Variants in HEMK2 observed in about 807,000 individuals in gnomAD.
HEMK2 encodes HemK methyltransferase 2, ETF1 glutamine and histone H4 lysine, also known as methyltransferase HEMK2.
the HEMK2 span, among the ~76,000 whole-genome samples, chr21:28,631,122 T>A: frequency 6.6e-6 from 1 of 152,014 alleles, no homozygotes; most frequent in Non-Finnish European, 1.5e-5. Context: ...AAAACTGACA[T>A]AGGGAAATTT....
the HEMK2 span, among the ~76,000 whole-genome samples, chr21:28,797,759 T>C: frequency 6.6e-6 from 1 of 152,102 alleles, no homozygotes; most frequent in African/African-American, 2.4e-5. Context: ...TGAGGAAAAC[T>C]AGCTTGTGTA....
chr21:28,723,480 T>C, the HEMK2 span, among the ~76,000 whole-genome samples: 1 of 152,200 alleles, frequency 6.6e-6, no homozygotes, highest in African/African-American at 2.4e-5. Flanking sequence ...GTCTCTCTGT[T>C]ACTTATTACC....
chr21:28,721,200 C>T, the HEMK2 span, among the ~76,000 whole-genome samples: 3 of 152,152 alleles, frequency 2.0e-5, no homozygotes, highest in Non-Finnish European at 2.9e-5. Context: ...AATGAAGCCT[C>T]GACCTCCAGG....
At chr21:28,750,470 A>T in the HEMK2 span, among the ~76,000 whole-genome samples, 1 of 152,062 alleles carries the variant, frequency 6.6e-6, no homozygotes, top group African/African-American at 2.4e-5. Flanking sequence ...AGGCCAAGGC[A>T]GGCAGATCGC....
At chr21:28,841,333 AT>A in the HEMK2 span, among the ~76,000 whole-genome samples, 1 of 10,824 alleles carries the variant, frequency 9.2e-5, no homozygotes, top group Non-Finnish European at 1.2e-4. Flanking sequence ...TTATATATAA[AT>A]ATATATTATA....
At chr21:28,825,895 T>C in the HEMK2 span, among the ~76,000 whole-genome samples, 1 of 152,192 alleles carries the variant, frequency 6.6e-6, no homozygotes, top group African/African-American at 2.4e-5. Context: ...TAGATCCACC[T>C]ACATCTCTGG....
chr21:28,761,585 T>C, the HEMK2 span, among the ~76,000 whole-genome samples: 1 of 151,100 alleles, frequency 6.6e-6, no homozygotes, highest in Non-Finnish European at 1.5e-5. Context: ...AGTTTCTCTA[T>C]CTGCTCTACA....
the HEMK2 span, among the ~76,000 whole-genome samples, chr21:28,761,446 CCTG>C: frequency 6.6e-6 from 1 of 151,830 alleles, no homozygotes; most frequent in Non-Finnish European, 1.5e-5. Context: ...ATTTGCCAAC[CCTG>C]CTGTAGAGAA....
At chr21:28,723,024 A>T in the HEMK2 span, among the ~76,000 whole-genome samples, 1 of 151,658 alleles carries the variant, frequency 6.6e-6, no homozygotes, top group Non-Finnish European at 1.5e-5. Context: ...AAAAAAAAAA[A>T]TAGAGACAAG....
chr21:28,633,958 G>A, the HEMK2 span, among the ~76,000 whole-genome samples: 8 of 152,122 alleles, frequency 5.3e-5, no homozygotes, highest in African/African-American at 1.9e-4. Context: ...GGGCCCAATG[G>A]AACAGGCTTC....
the HEMK2 span, among the ~76,000 whole-genome samples, chr21:28,817,641 T>C: frequency 6.6e-6 from 1 of 152,198 alleles, no homozygotes; most frequent in African/African-American, 2.4e-5. Flanking sequence ...AGATGAAGGA[T>C]TTCCTTGAGA....
At chr21:28,861,657 T>C in the HEMK2 span, among the ~76,000 whole-genome samples, 6 of 152,354 alleles carry the variant, frequency 3.9e-5, no homozygotes, top group South Asian at 2.1e-4. Context: ...GCTGTATTGA[T>C]AGAATGGTGG....
chr21:28,880,687 G>A, the HEMK2 span, among the ~76,000 whole-genome samples: 1 of 151,244 alleles, frequency 6.6e-6, no homozygotes, highest in African/African-American at 2.4e-5. Flanking sequence ...AGTCTGCAGT[G>A]AGCCAAGATT....
the HEMK2 span, among the ~76,000 whole-genome samples, chr21:28,845,607 C>A: frequency 6.6e-6 from 1 of 151,960 alleles, no homozygotes; most frequent in Non-Finnish European, 1.5e-5. Flanking sequence ...GTAAGATTTT[C>A]TATTTTTCTT....
At chr21:28,763,019 G>A in the HEMK2 span, among the ~76,000 whole-genome samples, 12 of 152,068 alleles carry the variant, frequency 7.9e-5, no homozygotes, top group Admixed American at 7.9e-4. Context: ...AAATGGCACT[G>A]GACTGTGACT....
chr21:28,852,704 A>G, the HEMK2 span, among the ~76,000 whole-genome samples: 1 of 152,186 alleles, frequency 6.6e-6, no homozygotes, highest in Non-Finnish European at 1.5e-5. Context: ...ACTGAAATTG[A>G]TTGACGGGCC....
At chr21:28,663,288 G>C in the HEMK2 span, among the ~76,000 whole-genome samples, 2 of 152,204 alleles carry the variant, frequency 1.3e-5, no homozygotes. Flanking sequence ...GAGGGCAGCA[G>C]CCATCCAGCC....
At chr21:28,879,229 C>T in the HEMK2 span, among the ~76,000 whole-genome samples, 2 of 151,952 alleles carry the variant, frequency 1.3e-5, no homozygotes, top group African/African-American at 2.4e-5. Context: ...GGACTACAGG[C>T]GCAAGCCACC....
the HEMK2 span, among the ~76,000 whole-genome samples, chr21:28,880,949 A>T: frequency 1.4e-5 from 2 of 139,770 alleles, no homozygotes; most frequent in Non-Finnish European, 3.2e-5. Context: ...AAAAAAAAAA[A>T]AAACCGGAAA....
Sources: gnomAD v4.1 joint callset for allele counts (sites outside exome capture counted in the v4.1 genomes callset) on GRCh38, gnomAD v4.1.1 for gene constraint, MANE v1.5 for transcripts, NCBI Gene and HGNC (gene_info 2026-07-23, HGNC 2026-07-21) for gene names.